ODAD2: variants seen among roughly 807,000 people sequenced by gnomAD.
The protein encoded by ODAD2 is outer dynein arm-docking complex subunit 2.
Under a neutral mutation model 106.8 loss-of-function variants are expected in ODAD2, and 89 were observed. That is an observed-to-expected ratio of 0.83 (90% CI 0.70 to 0.99). ODAD2 has a LOEUF of 0.99. Among genes scored for constraint, ODAD2 ranks in the 50% least tolerant of loss-of-function variants. ODAD2 has a pLI of 0.00. For missense variants in ODAD2, 1,168 were observed against 1,238.5 expected, an observed-to-expected ratio of 0.94 and a Z score of 0.85; for synonymous variants, 404 against 436.2, an observed-to-expected ratio of 0.93 and a Z score of 0.92.
chr10:27,998,576 G>A (rs1360428473), intron 1 of ODAD2, among the ~76,000 whole-genome samples: 4 of 151,898 alleles, frequency 2.6e-5, no homozygotes, highest in African/African-American at 7.3e-5. Flanking sequence ...GGACTGAGGA[G>A]CAGACGGTCC....
rs1846327169 is a variant in ODAD2, at chr10:27,940,470, T to C, written c.1986+93A>G. The C allele has an allele frequency of 2.1e-6, 3 of 1,452,980 alleles. No individual in the cohort carries two copies. The African/African-American group carries it at 4.2e-5, about 21-fold the overall frequency. The allele number at this position is 1,452,980 out of a possible 1,614,324, so 90.0% of individuals were successfully genotyped here. A position where few individuals can be genotyped will look rare whatever the true frequency, so the allele number is the denominator to read the frequency against. On this transcript the variant is annotated intron_variant, in intron 13 of 19. Coordinates refer to ENST00000305242, the MANE Select transcript of ODAD2 (RefSeq NM_018076.5). ...AGAATGCTGACTTCTAGAAAAAGAA[T>C]GTCCTTGAGCCATCATGATAACCTT... is the stretch of plus-strand genomic sequence containing the variant.
chr10:27,901,438 C>G (rs11492473), intron 17 of ODAD2, among the ~76,000 whole-genome samples: 103,040 of 151,980 alleles, frequency 0.68, 35,156 homozygotes, highest in Middle Eastern at 0.75. Flanking sequence ...GCATCAAAAT[C>G]ACAGGATCAA....
chr10:27,943,384 T>A (rs1003427698), intron 12 of ODAD2, among the ~76,000 whole-genome samples: 2 of 152,190 alleles, frequency 1.3e-5, no homozygotes, highest in African/African-American at 2.4e-5. Context: ...TGGTTTTTTT[T>A]AAAGATGGTA....
At position 27,862,604 on chromosome 10, in the gene ODAD2, G is replaced by A. The variant is rs776670080; in HGVS notation, c.2629C>T (p.Arg877Cys). 3.1e-5 allele frequency: 49 copies of A among 1,604,880 alleles called. No homozygotes were observed. The highest frequency in any genetic ancestry group is 3.9e-5 in the Non-Finnish European group (46 of 1,176,470). ...KNAKDAGEMV[R>C]SFVGGLELIV... ...AGTTCCAAACCACCAACAAAGGAACGAACCATTTCCCCAGCATCCTAGACA... is the reference window on the plus strand; with the variant it reads ...AGTTCCAAACCACCAACAAAGGAACAAACCATTTCCCCAGCATCCTAGACA... Residue 877 changes from arginine (R) to cysteine (C), a missense_variant, in exon 18 of 20, where the codon CGT becomes TGT. By Grantham distance (180) the Arg-to-Cys change is radical. Coordinates refer to ENST00000305242, the MANE Select transcript of ODAD2 (RefSeq NM_018076.5).
intron 16 of ODAD2, among the ~76,000 whole-genome samples, chr10:27,917,632 C>T (rs1254140918): frequency 6.6e-6 from 1 of 151,950 alleles, no homozygotes; most frequent in Non-Finnish European, 1.5e-5. Context: ...GAAAGGTTGA[C>T]AAACTTTTTC....
chr10:27,979,231 CAAA>C (rs1313032503), intron 7 of ODAD2, among the ~76,000 whole-genome samples: 1 of 41,890 alleles, frequency 2.4e-5, no homozygotes, highest in Admixed American at 2.3e-4. Flanking sequence ...GACTCCATCT[CAAA>C]AAAAAAAAAA....
chr10:27,891,772 C>T (rs1842579184), intron 17 of ODAD2, among the ~76,000 whole-genome samples: 2 of 151,862 alleles, frequency 1.3e-5, no homozygotes, highest in Admixed American at 1.3e-4. Flanking sequence ...ATTAAAAATG[C>T]ACTGATATTT....
chr10:27,883,514 G>A (rs1841883871), intron 17 of ODAD2, among the ~76,000 whole-genome samples: 1 of 152,132 alleles, frequency 6.6e-6, no homozygotes, highest in South Asian at 2.1e-4. Context: ...AGAAAAGTAT[G>A]CCTCAAAGTA....
chr10:27,842,999 T>C (rs963136376), intron 19 of ODAD2, among the ~76,000 whole-genome samples: 2 of 152,182 alleles, frequency 1.3e-5, no homozygotes, highest in African/African-American at 4.8e-5. Flanking sequence ...AAAAGATTCA[T>C]GTTCAAATTA....
chr10:27,830,511 A>C (rs1837394342), intron 19 of ODAD2, among the ~76,000 whole-genome samples: 1 of 152,240 alleles, frequency 6.6e-6, no homozygotes, highest in Non-Finnish European at 1.5e-5. Context: ...ATTTTAGAGA[A>C]GAGAGTTTTT....
chr10:27,916,177 A>G (rs1844362562), intron 16 of ODAD2, among the ~76,000 whole-genome samples: 2 of 152,108 alleles, frequency 1.3e-5, no homozygotes, highest in African/African-American at 2.4e-5. Flanking sequence ...GAAAGTGCCA[A>G]TATAGTAGAG....
chr10:27,944,733 G>T, intron 11 of ODAD2, 83 bp downstream of exon 11: 1 of 1,534,436 alleles, frequency 6.5e-7, no homozygotes, highest in Non-Finnish European at 8.9e-7. Flanking sequence ...CAGGCAACGA[G>T]GCATGGCAGA....
chr10:27,932,944 T>G (rs955099998), intron 16 of ODAD2, among the ~76,000 whole-genome samples: 1 of 152,130 alleles, frequency 6.6e-6, no homozygotes, highest in East Asian at 1.9e-4. Flanking sequence ...GCTCAATAAA[T>G]ATGTGTTTAA....
chr10:27,930,018 T>G (rs1845505227), intron 16 of ODAD2, among the ~76,000 whole-genome samples: 1 of 152,134 alleles, frequency 6.6e-6, no homozygotes, highest in Non-Finnish European at 1.5e-5. Context: ...ATTACGTTTA[T>G]GTTGGCTCTC....
At position 27,995,090 on chromosome 10, in the gene ODAD2, G is replaced by A; in HGVS notation, c.53C>T (p.Thr18Ile). The A allele has an allele frequency of 6.2e-7, 1 of 1,614,054 alleles. No homozygotes were observed. Among genetic ancestry groups the A allele is most frequent in the Non-Finnish European group, 8.5e-7 (1 of 1,180,024 alleles). Residue 18 changes from threonine (T) to isoleucine (I), a missense_variant, in exon 2 of 20, where the codon ACT becomes ATT. Transcript: ENST00000305242. ...LTQWTAAGHG[T>I]GILEITPLNE... is the part of the protein sequence containing the mutation. The stretch of plus-strand genomic sequence containing the variant: ...TAGAGGGGTGATTTCGAGGATTCCA[G>A]TTCCATGTCCGGCAGCAGTCCACTG...
At chr10:27,984,160 A>C in intron 5 of ODAD2, 24 bp downstream of exon 5, 1 of 1,562,254 alleles carries the variant, frequency 6.4e-7, no homozygotes, top group Non-Finnish European at 8.8e-7. Flanking sequence ...AATAACATAA[A>C]ATGAGCCTGA....
intron 17 of ODAD2, among the ~76,000 whole-genome samples, chr10:27,864,586 T>C (rs2065687): frequency 0.52 from 71,330 of 136,570 alleles, 20,703 homozygotes; most frequent in Middle Eastern, 0.67. Flanking sequence ...GAATGGGGAG[T>C]GAGGTGAGAG....
chr10:27,963,284 A>G (rs1250642641), intron 9 of ODAD2, among the ~76,000 whole-genome samples: 1 of 152,000 alleles, frequency 6.6e-6, no homozygotes, highest in Non-Finnish European at 1.5e-5. Context: ...TGGTATTACA[A>G]GCATGAGCCA....
At chr10:27,950,498 C>G (rs7091489) in intron 10 of ODAD2, among the ~76,000 whole-genome samples, 10,215 of 152,220 alleles carry the variant, frequency 0.067, 1,098 homozygotes, top group African/African-American at 0.22. Context: ...ATAAATCAGA[C>G]TCAGGTTGTT....
Sources: gnomAD v4.1 joint callset for allele counts (sites outside exome capture counted in the v4.1 genomes callset) on GRCh38, gnomAD v4.1.1 for gene constraint, MANE v1.5 for transcripts, NCBI Gene and HGNC (gene_info 2026-07-23, HGNC 2026-07-21) for gene names.